The following CNOT4 variants were observed in gnomAD, a reference collection of about 807,000 sequenced individuals.
CNOT4 encodes the protein CCR4-associated factor 4.
Under a neutral mutation model 73.8 loss-of-function variants are expected in CNOT4, and 8 were observed. The observed-to-expected ratio is 0.11, with a 90% CI of 0.06 to 0.20. The LOEUF is 0.20. Among genes scored for constraint, CNOT4 ranks in the 10% least tolerant of loss-of-function variants. The probability of loss-of-function intolerance (pLI) is 1.00; values close to 1 mark genes in which losing one functional copy is unlikely to be tolerated. For synonymous variants in CNOT4, 293 were observed against 321.1 expected, an observed-to-expected ratio of 0.91 and a Z score of 0.94; for missense variants, 564 against 883.4, an observed-to-expected ratio of 0.64 and a Z score of 4.58.
intron 10 of CNOT4, chr7:135,387,108 C>T (rs981022724): frequency 7.1e-6 from 7 of 983,362 alleles, no homozygotes; most frequent in Non-Finnish European, 7.2e-6. Flanking sequence ...AAAATGAAAA[C>T]CATAATTAAA....
At chr7:135,452,765 A>G (rs1167510352) in intron 1 of CNOT4, among the ~76,000 whole-genome samples, 1 of 152,218 alleles carries the variant, frequency 6.6e-6, no homozygotes, top group African/African-American at 2.4e-5. Flanking sequence ...ATGAGATGAA[A>G]AAACTTCTGA....
intron 1 of CNOT4, among the ~76,000 whole-genome samples, chr7:135,484,572 A>G (rs1433651026): frequency 1.3e-5 from 2 of 152,144 alleles, no homozygotes; most frequent in African/African-American, 2.4e-5. Flanking sequence ...CCTGGCCAAC[A>G]TGGTGAAACC....
intron 10 of CNOT4, among the ~76,000 whole-genome samples, chr7:135,374,850 A>C (rs1247466990): frequency 6.6e-6 from 1 of 152,220 alleles, no homozygotes; most frequent in Non-Finnish European, 1.5e-5. Context: ...AGAATGGAAA[A>C]GATCTAACCA....
chr7:135,388,540 A>AT (rs1796239289), intron 10 of CNOT4: 1 of 1,067,224 alleles, frequency 9.4e-7, no homozygotes, highest in Non-Finnish European at 1.1e-6. Context: ...CTACAAGTTT[A>AT]TTTTTATGAG....
chr7:135,455,566 C>G (rs1443655590), intron 1 of CNOT4, among the ~76,000 whole-genome samples: 1 of 151,320 alleles, frequency 6.6e-6, no homozygotes, highest in East Asian at 1.9e-4. Context: ...AGTTTAAGCC[C>G]ACAGGTTTAA....
At chr7:135,419,641 C>T (rs1372996588) in intron 3 of CNOT4, among the ~76,000 whole-genome samples, 1 of 152,010 alleles carries the variant, frequency 6.6e-6, no homozygotes, top group East Asian at 1.9e-4. Flanking sequence ...TATACTTAGA[C>T]TCATGATAAA....
intron 1 of CNOT4, among the ~76,000 whole-genome samples, chr7:135,479,795 C>T (rs1802246523): frequency 6.6e-6 from 1 of 151,956 alleles, no homozygotes. Context: ...GAGGCTGAGG[C>T]AGGAGGATTG....
intron 1 of CNOT4, among the ~76,000 whole-genome samples, chr7:135,507,592 C>T (rs1804460802): frequency 6.6e-6 from 1 of 152,002 alleles, no homozygotes; most frequent in Non-Finnish European, 1.5e-5. Flanking sequence ...GAAAATATTT[C>T]GTGAGACAAA....
At chr7:135,486,116 AC>A (rs1802703071) in intron 1 of CNOT4, among the ~76,000 whole-genome samples, 1 of 152,102 alleles carries the variant, frequency 6.6e-6, no homozygotes, top group Non-Finnish European at 1.5e-5. Flanking sequence ...ACTAAATACC[AC>A]CTGTACCCCA....
chr7:135,503,986 T>C (rs888526105), intron 1 of CNOT4, among the ~76,000 whole-genome samples: 54 of 152,298 alleles, frequency 3.5e-4, no homozygotes, highest in African/African-American at 1.3e-3. Context: ...ACAACCAATG[T>C]TCAATAACAC....
At chr7:135,430,634 G>A (rs1215553730) in intron 2 of CNOT4, among the ~76,000 whole-genome samples, 1 of 151,920 alleles carries the variant, frequency 6.6e-6, no homozygotes, top group African/African-American at 2.4e-5. Context: ...GAGAGACCAA[G>A]ACCCTATCGC....
In CNOT4 at chr7:135,362,448, T is replaced by G; in HGVS notation, c.*437A>C. 1 of 294,468 alleles carries G rather than the reference T, an allele frequency of 3.4e-6. No homozygotes were observed. Among genetic ancestry groups the G allele is most frequent in the Non-Finnish European group, 6.6e-6 (1 of 151,280 alleles). 18.2% of individuals were successfully genotyped at this position (294,468 alleles called of 1,614,324 possible). On this transcript the variant is annotated 3_prime_UTR_variant, in exon 12 of 12. Transcript: ENST00000541284. ...ATGCTAGGACCACTGCTTTCCCCCATGCATTTAGCAATCTCACGTAAATGA... is the reference window on the plus strand; with the variant it reads ...ATGCTAGGACCACTGCTTTCCCCCAGGCATTTAGCAATCTCACGTAAATGA...
intron 1 of CNOT4, among the ~76,000 whole-genome samples, chr7:135,466,125 T>C (rs550684192): frequency 4.7e-4 from 70 of 150,006 alleles, no homozygotes; most frequent in African/African-American, 1.6e-3. Context: ...AATTTGTAAA[T>C]ATGTACAATG....
At chr7:135,477,026 T>C (rs1376019983) in intron 1 of CNOT4, among the ~76,000 whole-genome samples, 1 of 152,186 alleles carries the variant, frequency 6.6e-6, no homozygotes, top group African/African-American at 2.4e-5. Flanking sequence ...ACATATTCTA[T>C]AATGAATATA....
At chr7:135,412,074 A>G (rs1797615043) in intron 6 of CNOT4, among the ~76,000 whole-genome samples, 1 of 151,988 alleles carries the variant, frequency 6.6e-6, no homozygotes, top group South Asian at 2.1e-4. Flanking sequence ...TTAGTTTTAA[A>G]TTATTTTTAA....
chr7:135,393,632 T>G (rs1796515753), intron 10 of CNOT4, among the ~76,000 whole-genome samples: 1 of 152,200 alleles, frequency 6.6e-6, no homozygotes, highest in South Asian at 2.1e-4. Flanking sequence ...CATTTTCTTC[T>G]TTTTCATTTT....
chr7:135,368,977 T>C (rs1013290931), intron 10 of CNOT4, among the ~76,000 whole-genome samples: 54 of 152,168 alleles, frequency 3.5e-4, no homozygotes, highest in African/African-American at 1.3e-3. Context: ...TGGGAAAACC[T>C]GCTCCTAACA....
chr7:135,402,193 T>C (rs1426385550), intron 7 of CNOT4, among the ~76,000 whole-genome samples: 7 of 150,380 alleles, frequency 4.7e-5, no homozygotes, highest in Non-Finnish European at 7.4e-5. Context: ...CACTGCAACC[T>C]CCACATCCCA....
chr7:135,484,531 A>G (rs1178333487), intron 1 of CNOT4, among the ~76,000 whole-genome samples: 2 of 152,040 alleles, frequency 1.3e-5, no homozygotes, highest in Non-Finnish European at 2.9e-5. Context: ...TGAGTCGGGC[A>G]GATCACTTGA....
Sources: gnomAD v4.1 joint callset for allele counts (sites outside exome capture counted in the v4.1 genomes callset) on GRCh38, gnomAD v4.1.1 for gene constraint, MANE v1.5 for transcripts, NCBI Gene and HGNC (gene_info 2026-07-23, HGNC 2026-07-21) for gene names.